The following DSCAML1 variants were observed in gnomAD, a reference collection of about 807,000 sequenced individuals.
The protein encoded by DSCAML1 is DS cell adhesion molecule like 1.
A neutral mutation model predicts 200.5 loss-of-function variants in DSCAML1; 38 were observed. The observed-to-expected ratio is 0.19, with a 90% CI of 0.15 to 0.25. The LOEUF is 0.25. Among genes scored for constraint, DSCAML1 ranks in the 10% least tolerant of loss-of-function variants. DSCAML1 has a pLI of 1.00. For missense variants in DSCAML1, 2,223 were observed against 2,858.8 expected (o/e 0.78, Z 5.07); for synonymous variants, 1,215 against 1,165.0 (o/e 1.04, Z -0.87).
chr11:117,518,596 G>C lies in DSCAML1; in HGVS notation c.1380C>G (p.Thr460=), dbSNP rs1192855465. 6.2e-7 allele frequency: 1 copy of C among 1,614,028 alleles called. No homozygotes were observed. Among genetic ancestry groups the C allele is most frequent in the Admixed American group, 1.7e-5 (1 of 60,016 alleles). The change falls in exon 7 of 33, where the codon ACC becomes ACG. Residue 460 remains threonine, a synonymous_variant. Transcript: ENST00000651296. The surrounding 1 kb of genome is among the most constrained non-coding windows in gnomAD (Gnocchi z 6.3). ...RDGSHRTNQY[T]MSDGTTISHM... ...GGCTGATGGTGGTGCCGTCCGACATGGTGTACTGGTTGGTGCGGTGGCTGC... is the reference window on the plus strand; with the variant it reads ...GGCTGATGGTGGTGCCGTCCGACATCGTGTACTGGTTGGTGCGGTGGCTGC...
chr11:117,769,519 TTA>T (rs1444737792), intron 3 of DSCAML1, among the ~76,000 whole-genome samples: 3,435 of 76,000 alleles, frequency 0.045, 492 homozygotes, highest in African/African-American at 0.11. Flanking sequence ...TTTATATATA[TTA>T]TATATATTTT....
At chr11:117,737,409 G>A (rs2054337715) in intron 3 of DSCAML1, among the ~76,000 whole-genome samples, 1 of 152,190 alleles carries the variant, frequency 6.6e-6, no homozygotes, top group Admixed American at 6.5e-5. Flanking sequence ...AGTGCATGGG[G>A]GAATGCCAGG....
chr11:117,502,886 C>G (rs192963168), intron 11 of DSCAML1, among the ~76,000 whole-genome samples: 19 of 134,414 alleles, frequency 1.4e-4, no homozygotes, highest in Non-Finnish European at 2.6e-4. Flanking sequence ...TGAAGTAGCA[C>G]GAGGCCAAGT....
intron 3 of DSCAML1, among the ~76,000 whole-genome samples, chr11:117,767,997 A>C (rs1169401991): frequency 2.6e-5 from 4 of 152,086 alleles, no homozygotes; most frequent in Non-Finnish European, 4.4e-5. Flanking sequence ...CAAGTCACTA[A>C]GCCACACTGC....
chr11:117,646,337 G>A (rs1470582242), intron 3 of DSCAML1, among the ~76,000 whole-genome samples: 2 of 152,096 alleles, frequency 1.3e-5, no homozygotes, highest in Non-Finnish European at 2.9e-5. Flanking sequence ...TCTCGAGATG[G>A]AGCCCTCACC....
At chr11:117,802,258 C>G (rs12276576), upstream of DSCAML1, among the ~76,000 whole-genome samples, 15,086 of 152,134 alleles carry the variant, frequency 0.099, 781 homozygotes, top group Middle Eastern at 0.14. Context: ...CCTGGTCAGG[C>G]ACCCCCAGTT....
At chr11:117,575,383 G>A (rs906141732) in intron 3 of DSCAML1, among the ~76,000 whole-genome samples, 3 of 152,154 alleles carry the variant, frequency 2.0e-5, no homozygotes, top group African/African-American at 7.2e-5. Flanking sequence ...AGGCTTACAG[G>A]GGACCTGATA....
intron 11 of DSCAML1, among the ~76,000 whole-genome samples, chr11:117,502,200 C>G (rs571984070): frequency 6.6e-6 from 1 of 152,170 alleles, no homozygotes; most frequent in Non-Finnish European, 1.5e-5. Context: ...CACGTGGGGT[C>G]CCCTCACACA....
intron 1 of DSCAML1, among the ~76,000 whole-genome samples, chr11:117,790,216 A>T (rs2134069348): frequency 6.6e-6 from 1 of 152,360 alleles, no homozygotes; most frequent in African/African-American, 2.4e-5. Flanking sequence ...CTCTTCCCAC[A>T]AAAGACTGTG....
intron 3 of DSCAML1, among the ~76,000 whole-genome samples, chr11:117,644,413 C>G (rs2052477577): frequency 6.6e-6 from 1 of 152,248 alleles, no homozygotes; most frequent in Non-Finnish European, 1.5e-5. Flanking sequence ...CGACCTGCTC[C>G]CAGGCCCCAA....
At chr11:117,501,644 C>T (rs544119089) in intron 11 of DSCAML1, among the ~76,000 whole-genome samples, 6 of 151,886 alleles carry the variant, frequency 4.0e-5, no homozygotes, top group Admixed American at 6.6e-5. Flanking sequence ...GTGTGAGAAA[C>T]GGAGGATGTG....
chr11:117,550,708 A>G (rs543775065), intron 3 of DSCAML1, among the ~76,000 whole-genome samples: 3 of 152,146 alleles, frequency 2.0e-5, no homozygotes, highest in African/African-American at 7.2e-5. Flanking sequence ...CCTCCCCAGC[A>G]CACTTGGAAT....
chr11:117,681,221 G>C (rs1004210036), intron 3 of DSCAML1, among the ~76,000 whole-genome samples: 1 of 152,146 alleles, frequency 6.6e-6, no homozygotes, highest in East Asian at 1.9e-4. Flanking sequence ...GTCCAACAAG[G>C]CTTTTGGGGC....
intron 3 of DSCAML1, among the ~76,000 whole-genome samples, chr11:117,659,640 G>T (rs535032040): frequency 5.9e-5 from 9 of 152,182 alleles, no homozygotes; most frequent in African/African-American, 2.2e-4. Context: ...TCTGTGGTAC[G>T]ATTCAGGACT....
chr11:117,530,988 A>G (rs1362928138), intron 4 of DSCAML1, among the ~76,000 whole-genome samples: 2 of 152,242 alleles, frequency 1.3e-5, no homozygotes, highest in Non-Finnish European at 2.9e-5. Flanking sequence ...AGTTGTGGCC[A>G]GCATTTAGAG....
chr11:117,476,028 G>C (rs2048785080), intron 14 of DSCAML1, among the ~76,000 whole-genome samples: 1 of 152,136 alleles, frequency 6.6e-6, no homozygotes, highest in South Asian at 2.1e-4. Context: ...TCAGTTCTCA[G>C]AGTACTGAGC....
intron 15 of DSCAML1, among the ~76,000 whole-genome samples, chr11:117,471,274 C>T (rs952704823): frequency 2.6e-5 from 4 of 151,892 alleles, no homozygotes; most frequent in Admixed American, 6.6e-5. Context: ...CAGGTTCAAG[C>T]GATTCTCCTG....
intron 3 of DSCAML1, among the ~76,000 whole-genome samples, chr11:117,585,635 C>T (rs2051126757): frequency 6.6e-6 from 1 of 152,176 alleles, no homozygotes; most frequent in South Asian, 2.1e-4. Context: ...TTAAGGGATG[C>T]CATCAGGACG....
chr11:117,641,910 C>T (rs1001090818), intron 3 of DSCAML1, among the ~76,000 whole-genome samples: 9 of 152,104 alleles, frequency 5.9e-5, no homozygotes, highest in Admixed American at 2.0e-4. Context: ...GTCTTACCCA[C>T]GAGGGAAACT....
Sources: gnomAD v4.1 joint callset for allele counts (sites outside exome capture counted in the v4.1 genomes callset) on GRCh38, gnomAD v4.1.1 for gene constraint, Gnocchi (gnomAD v3.1) non-coding constraint, MANE v1.5 for transcripts, NCBI Gene and HGNC (gene_info 2026-07-23, HGNC 2026-07-21) for gene names.